Variants in NEMF observed in about 807,000 individuals in gnomAD.
NEMF encodes the protein nuclear export mediator factor, also known as ribosome quality control complex subunit NEMF.
Under a neutral mutation model 162.2 loss-of-function variants are expected in NEMF, and 89 were observed. The ratio of observed to expected loss-of-function variants is 0.55; its 90% CI spans 0.46 to 0.65. The LOEUF (loss-of-function observed/expected upper bound fraction) is 0.65, where lower values mean the gene tolerates loss of function less well. NEMF is among the 30% of genes least tolerant of loss of function. The pLI is 0.00. For synonymous variants in NEMF, 421 were observed against 404.5 expected, an observed-to-expected ratio of 1.04 and a Z score of -0.49; for missense variants, 1,133 against 1,261.9, an observed-to-expected ratio of 0.90 and a Z score of 1.55.
At chr14:49,847,153 G>T (rs1011752490) in intron 3 of NEMF, among the ~76,000 whole-genome samples, 1 of 151,792 alleles carries the variant, frequency 6.6e-6, no homozygotes, top group Non-Finnish European at 1.5e-5. Context: ...CAAAGTGCTG[G>T]GATTACAGGC....
chr14:49,833,579 G>A, intron 7 of NEMF, 83 bp from the exon 8 acceptor site: 1 of 815,640 alleles, frequency 1.2e-6, no homozygotes, highest in Non-Finnish European at 1.9e-6. Context: ...TAGAAAAACA[G>A]GAAAGTGCTT....
intron 19 of NEMF, 123 bp downstream of exon 19, chr14:49,805,898 T>A (rs769344610): frequency 1.9e-6 from 1 of 518,476 alleles, no homozygotes; most frequent in Non-Finnish European, 3.5e-6. Flanking sequence ...ATGTACATAT[T>A]TTCCTCTACC....
chr14:49,841,042 CAA>C (rs1418644404), intron 4 of NEMF, among the ~76,000 whole-genome samples, 176 bp from the exon 5 acceptor site: 2 of 151,518 alleles, frequency 1.3e-5, no homozygotes, highest in South Asian at 2.1e-4. Flanking sequence ...ACTAAAAATA[CAA>C]AAGTTAGCCA....
chr14:49,822,588 G>C (rs1892130430), intron 16 of NEMF, among the ~76,000 whole-genome samples: 2 of 141,368 alleles, frequency 1.4e-5, no homozygotes, highest in Admixed American at 1.5e-4. Flanking sequence ...CCAGCACTTT[G>C]GGAGGCTGAA....
intron 25 of NEMF, among the ~76,000 whole-genome samples, chr14:49,796,637 C>T (rs548775139): frequency 6.6e-6 from 1 of 152,334 alleles, no homozygotes; most frequent in Admixed American, 6.5e-5. Context: ...AGGCGTGAGC[C>T]ACCACATCCG....
chr14:49,842,752 A>G (rs1447895713), intron 4 of NEMF, among the ~76,000 whole-genome samples: 1 of 152,234 alleles, frequency 6.6e-6, no homozygotes, highest in African/African-American at 2.4e-5. Context: ...CACGCCTGTA[A>G]TCCCAGCACT....
chr14:49,802,537 G>A lies in NEMF; in HGVS notation c.2011C>T (p.Arg671Ter), dbSNP rs765802022. 3 of 1,613,676 alleles carry A rather than the reference G, an allele frequency of 1.9e-6. No individual in the cohort carries two copies. The highest frequency in any genetic ancestry group is 1.3e-5 in the African/African-American group (1 of 74,892). The change falls in exon 22 of 33, where the codon CGA becomes TGA. Residue 671 changes from arginine to a stop codon, truncating the protein, a stop_gained. Transcript: ENST00000298310. LOFTEE classifies it high-confidence loss of function. The stretch of plus-strand genomic sequence containing the variant: ...TCTTCATCCTGTACTCTGACTTTTC[G>A]TTCACCCTGATGTCTCCAAACACAA... ...ESCVWRHQGE[R>*]KVRVQDEDME...
At chr14:49,849,403 G>A (rs144602623) in intron 3 of NEMF, among the ~76,000 whole-genome samples, 244 of 152,294 alleles carry the variant, frequency 1.6e-3, no homozygotes, top group African/African-American at 5.7e-3. Flanking sequence ...ACCTGCTGCT[G>A]TGTGCCACAA....
chr14:49,852,380 T>C (rs1257017745), intron 1 of NEMF, among the ~76,000 whole-genome samples: 2 of 152,228 alleles, frequency 1.3e-5, no homozygotes, highest in African/African-American at 4.8e-5. Flanking sequence ...ACGACCACTC[T>C]GGCGTCTCGT....
intron 19 of NEMF, among the ~76,000 whole-genome samples, chr14:49,805,094 AT>A (rs1312024322): frequency 2.0e-4 from 31 of 152,294 alleles, no homozygotes; most frequent in African/African-American, 6.3e-4. Flanking sequence ...ATTCTAAAAA[AT>A]TTCTTAATGA....
intron 16 of NEMF, among the ~76,000 whole-genome samples, chr14:49,821,152 C>A (rs1447619017): frequency 7.1e-5 from 1 of 14,042 alleles, no homozygotes; most frequent in Admixed American, 1.5e-3. Context: ...CGCCCGGCTG[C>A]CACCCCGTCT....
chr14:49,800,617 G>A lies in NEMF; in HGVS notation c.2175C>T (p.Asp725=). ...PVEVELMTQV[D]QEDITLQSGR... Reference sequence around the variant, plus strand: ...CACTCTGAAGAGTGATATCCTCTTGGTCAACCTGAGTCATGAGTTCTACTT... The same window carrying A: ...CACTCTGAAGAGTGATATCCTCTTGATCAACCTGAGTCATGAGTTCTACTT... Residue 725 remains aspartate, a synonymous_variant, in exon 23 of 33, where the codon GAC becomes GAT. Transcript: ENST00000298310. The A allele has an allele frequency of 6.2e-7, 1 of 1,613,622 alleles. No individual in the cohort carries two copies. The highest frequency in any genetic ancestry group is 8.5e-7 in the Non-Finnish European group (1 of 1,179,758).
rs572627696 is a variant in NEMF, at chr14:49,846,752, A to T, written c.232-487T>A. The stretch of plus-strand genomic sequence containing the variant: ...AGTGCTGGGATTACAAGCGTAAGCT[A>T]CTGAGCCAGGCTTTTATTTTCAATT... On this transcript the variant is annotated intron_variant, in intron 3 of 32. Coordinates refer to ENST00000298310, the MANE Select transcript of NEMF (RefSeq NM_004713.6). Among the ~76,000 whole-genome samples, 4 of 152,296 alleles carry T rather than the reference A, an allele frequency of 2.6e-5. No individual in the cohort carries two copies. The South Asian group carries it at 8.3e-4, about 32-fold the overall frequency.
At chr14:49,815,483 G>C (rs1891672434) in intron 16 of NEMF, among the ~76,000 whole-genome samples, 1 of 152,096 alleles carries the variant, frequency 6.6e-6, no homozygotes, top group Non-Finnish European at 1.5e-5. Context: ...CATTATATAT[G>C]ACTACAGAGA....
chr14:49,801,492 GAA>G lies in NEMF; in HGVS notation c.2096-798_2096-797del, dbSNP rs5808515. On this transcript the variant is annotated intron_variant, in intron 22 of 32. Coordinates refer to ENST00000298310, the MANE Select transcript of NEMF (RefSeq NM_004713.6). ...ACAGACTGAGACTCCCTCTCGGGGG[GAA>G]AAAAAAAAAGAAAAGAATGTAAATA... 656 of 148,238 alleles carry G rather than the reference GAA, an allele frequency of 4.4e-3. 4 individuals are homozygous for G. Among genetic ancestry groups the G allele is most frequent in the East Asian group, 0.013 (64 of 5,030 alleles). The allele number at this position is 148,238 out of a possible 1,614,324, so 9.2% of individuals were successfully genotyped here.
At chr14:49,817,476 A>T (rs767482379) in intron 16 of NEMF, among the ~76,000 whole-genome samples, 4 of 152,138 alleles carry the variant, frequency 2.6e-5, no homozygotes, top group Non-Finnish European at 5.9e-5. Flanking sequence ...AAGATATACC[A>T]TGTAAACACT....
intron 3 of NEMF, 128 bp downstream of exon 3, chr14:49,851,435 C>T (rs779055117): frequency 3.1e-6 from 2 of 638,998 alleles, no homozygotes; most frequent in Non-Finnish European, 5.5e-6. Context: ...AACCCATTAT[C>T]TGTCAACCAC....
At chr14:49,787,239 G>A (rs1327531845) in intron 28 of NEMF, 1 of 162,100 alleles carries the variant, frequency 6.2e-6, no homozygotes, top group Non-Finnish European at 1.3e-5. Context: ...GGAGATAACT[G>A]ACTGTCTCAG....
At chr14:49,805,035 GAACA>G (rs993240658) in intron 19 of NEMF, among the ~76,000 whole-genome samples, 7 of 151,810 alleles carry the variant, frequency 4.6e-5, no homozygotes, top group South Asian at 4.2e-4. Flanking sequence ...ATCTCAAAAC[GAACA>G]AACAAACACA....
Sources: allele counts gnomAD v4.1 joint callset (sites outside exome capture counted in the v4.1 genomes callset), GRCh38; gene constraint gnomAD v4.1.1; transcripts MANE v1.5; gene names NCBI Gene and HGNC (gene_info 2026-07-23, HGNC 2026-07-21).